Variants in ITM2B observed in about 807,000 individuals in gnomAD.
ITM2B encodes the protein integral membrane protein 2B.
Under a neutral mutation model 27.8 loss-of-function variants are expected in ITM2B, and 11 were observed. The ratio of observed to expected loss-of-function variants is 0.40; its 90% CI spans 0.25 to 0.66. The LOEUF (loss-of-function observed/expected upper bound fraction) is 0.66, where lower values mean the gene tolerates loss of function less well. Among genes scored for constraint, ITM2B ranks in the 30% least tolerant of loss-of-function variants. The pLI is 0.43. For missense variants in ITM2B, 296 were observed against 328.9 expected (o/e 0.90, Z 0.77); for synonymous variants, 114 against 114.3 (o/e 1.00, Z 0.02).
At position 48,264,735 on chromosome 13, in the gene ITM2B, G is replaced by A. The variant is rs1274729926; in HGVS notation, c.*3511G>A. 2.6e-5 allele frequency: 4 copies of A among 152,086 alleles called. No individual in the cohort carries two copies. The highest frequency in any genetic ancestry group is 4.4e-5 in the Non-Finnish European group (3 of 68,008). 9.4% of individuals were successfully genotyped at this position (152,086 alleles called of 1,614,324 possible). Reference sequence around the variant, plus strand: ...CACAAAGCTACACAGCCATCAGTTCGTTCAATATCTTGTCCAAAGTTATTG... The same window carrying A: ...CACAAAGCTACACAGCCATCAGTTCATTCAATATCTTGTCCAAAGTTATTG... On this transcript the variant is annotated 3_prime_UTR_variant, in exon 6 of 6. Transcript: ENST00000647800.
At chr13:48,260,038 C>T (rs1337109152) in intron 5 of ITM2B, among the ~76,000 whole-genome samples, 3 of 152,034 alleles carry the variant, frequency 2.0e-5, no homozygotes, top group African/African-American at 7.3e-5. Context: ...GTGATGTTCC[C>T]CTCTCTGTGT....
Position 48,233,249 on chromosome 13 carries a change from C to CCGCCCGGAGCCG in ITM2B, c.-110_-99dup, listed in dbSNP as rs1951645111. 3.3e-6 allele frequency: 2 copies of CCGCCCGGAGCCG among 614,158 alleles called. No individual in the cohort carries two copies. The highest frequency in any genetic ancestry group is 5.4e-6 in the Non-Finnish European group (2 of 370,024). 38.0% of individuals were successfully genotyped at this position (614,158 alleles called of 1,614,324 possible). ...CGCGGAGCTTCCCGAACCTCTTCAG[C>CCGCCCGGAGCCG]CGCCCGGAGCCGCTCCCGGAGCCCG... On this transcript the variant is annotated 5_prime_UTR_variant, in exon 1 of 6. Coordinates refer to ENST00000647800, the MANE Select transcript of ITM2B (RefSeq NM_021999.5).
chr13:48,252,343 C>T (rs35019605), intron 1 of ITM2B, among the ~76,000 whole-genome samples: 16 of 152,228 alleles, frequency 1.1e-4, no homozygotes, highest in South Asian at 6.2e-4. Flanking sequence ...AGACCAGTAC[C>T]GGAACTGGTC....
rs150336652 is a variant in ITM2B at position 48,233,452 on chromosome 13, C to G, written c.92C>G (p.Pro31Arg). Residue 31 changes from proline (P) to arginine (R), a missense_variant, in exon 1 of 6, where the codon CCC becomes CGC. Transcript: ENST00000647800. ...KSGEEALIIP[P>R]DAVAVDCKDP... ...GGCGAGGAGGCGCTCATCATCCCCCCCGACGCCGTCGCGGTGGACTGCAAG... is the reference window on the plus strand; with the variant it reads ...GGCGAGGAGGCGCTCATCATCCCCCGCGACGCCGTCGCGGTGGACTGCAAG... 162 of 1,535,992 alleles carry G rather than the reference C, an allele frequency of 1.1e-4. No individual in the cohort carries two copies. The highest frequency in any genetic ancestry group is 2.2e-4 in the Admixed American group (11 of 49,570).
chr13:48,243,517 C>T (rs574963437), intron 1 of ITM2B, among the ~76,000 whole-genome samples: 1 of 152,222 alleles, frequency 6.6e-6, no homozygotes, highest in South Asian at 2.1e-4. Flanking sequence ...TTTAAGTAAA[C>T]CTTTTACAAC....
intron 1 of ITM2B, among the ~76,000 whole-genome samples, chr13:48,251,783 C>T (rs549157778): frequency 6.6e-6 from 1 of 152,136 alleles, no homozygotes; most frequent in African/African-American, 2.4e-5. Flanking sequence ...CCCCACTCTC[C>T]TTCCACTCTA....
intron 1 of ITM2B, among the ~76,000 whole-genome samples, chr13:48,246,424 A>T (rs945178929): frequency 6.6e-6 from 1 of 152,246 alleles, no homozygotes; most frequent in Non-Finnish European, 1.5e-5. Context: ...ATTTAAGTGA[A>T]TAAGAAAAAA....
At chr13:48,257,914 CGA>C (rs1951799328) in intron 3 of ITM2B, among the ~76,000 whole-genome samples, 1 of 152,160 alleles carries the variant, frequency 6.6e-6, no homozygotes, top group African/African-American at 2.4e-5. Context: ...AATATACCCT[CGA>C]TGAGCATTTT....
intron 2 of ITM2B, among the ~76,000 whole-genome samples, chr13:48,254,505 A>G (rs903014338): frequency 6.6e-6 from 1 of 152,362 alleles, no homozygotes; most frequent in Admixed American, 6.5e-5. Flanking sequence ...GGTTAAGACA[A>G]AGGTCTTCCT....
chr13:48,238,744 A>T (rs183356714), intron 1 of ITM2B, among the ~76,000 whole-genome samples: 2 of 152,314 alleles, frequency 1.3e-5, no homozygotes, highest in African/African-American at 4.8e-5. Context: ...TTTTTGGCAT[A>T]GTTGAATTTC....
rs1951868980 is a variant in ITM2B at position 48,268,989 on chromosome 13, T to C, written c.*7765T>C. 1 of 152,164 alleles carries C rather than the reference T, an allele frequency of 6.6e-6. No homozygotes were observed. Among genetic ancestry groups the C allele is most frequent in the Non-Finnish European group, 1.5e-5 (1 of 68,028 alleles). 9.4% of individuals were successfully genotyped at this position (152,164 alleles called of 1,614,324 possible). A position where few individuals can be genotyped will look rare whatever the true frequency, so the allele number is the denominator to read the frequency against. ...TTCAAGTAAACTAGTATAACTTGGG[T>C]ACCTTCTCATATAAATTCCCCTTAA... On this transcript the variant is annotated 3_prime_UTR_variant, in exon 6 of 6. Coordinates refer to ENST00000647800, the MANE Select transcript of ITM2B (RefSeq NM_021999.5).
chr13:48,236,829 A>T (rs1002594033), intron 1 of ITM2B, among the ~76,000 whole-genome samples: 2 of 152,208 alleles, frequency 1.3e-5, no homozygotes, highest in Non-Finnish European at 2.9e-5. Context: ...CTTCATATGT[A>T]TCCCTGCAAG....
intron 2 of ITM2B, among the ~76,000 whole-genome samples, chr13:48,255,399 C>G (rs1435700628): frequency 6.6e-6 from 1 of 152,100 alleles, no homozygotes; most frequent in Admixed American, 6.5e-5. Context: ...TCAGGCAATC[C>G]TCCCGCCTCA....
intron 3 of ITM2B, among the ~76,000 whole-genome samples, chr13:48,256,995 G>A (rs1221388805): frequency 6.6e-6 from 1 of 152,114 alleles, no homozygotes; most frequent in Non-Finnish European, 1.5e-5. Context: ...GGGGATACAT[G>A]CCAAGACCCC....
chr13:48,257,062 C>T (rs974312473), intron 3 of ITM2B, among the ~76,000 whole-genome samples: 4 of 152,012 alleles, frequency 2.6e-5, no homozygotes, highest in South Asian at 2.1e-4. Flanking sequence ...ATGTTTTTTC[C>T]TGTTAGTGTA....
At chr13:48,235,110 A>G (rs1951660234) in intron 1 of ITM2B, among the ~76,000 whole-genome samples, 1 of 152,194 alleles carries the variant, frequency 6.6e-6, no homozygotes, top group Non-Finnish European at 1.5e-5. Context: ...GGATGATGTC[A>G]CTTCAGACAG....
At chr13:48,260,890 C>G (rs1951817993) in intron 5 of ITM2B, among the ~76,000 whole-genome samples, 1 of 152,062 alleles carries the variant, frequency 6.6e-6, no homozygotes, top group Non-Finnish European at 1.5e-5. Context: ...TCAATACCTT[C>G]AAGTTCATGA....
In ITM2B at chr13:48,258,822, A is replaced by G. The variant is rs770332292; in HGVS notation, c.590A>G (p.Tyr197Cys). The stretch of plus-strand genomic sequence containing the variant: ...GCTGGAACCTATTTGCCTCAGTCCT[A>G]TCTGATTCATGAGCACATGGTTATT... ...IKAGTYLPQS[Y>C]LIHEHMVITD... is the part of the protein sequence containing the mutation. Residue 197 changes from tyrosine to cysteine, a missense_variant, in exon 5 of 6, where the codon TAT becomes TGT. Coordinates refer to ENST00000647800, the MANE Select transcript of ITM2B (RefSeq NM_021999.5). The G allele has an allele frequency of 4.3e-6, 7 of 1,613,830 alleles. No individual in the cohort carries two copies. The highest frequency in any genetic ancestry group is 1.1e-5 in the South Asian group (1 of 91,082).
intron 1 of ITM2B, among the ~76,000 whole-genome samples, chr13:48,237,288 A>G (rs1419476872): frequency 1.3e-5 from 2 of 152,304 alleles, no homozygotes; most frequent in East Asian, 3.9e-4. Flanking sequence ...TGGCCAGTGA[A>G]ACTTTTACAT....
Sources: allele counts gnomAD v4.1 joint callset (sites outside exome capture counted in the v4.1 genomes callset), GRCh38; gene constraint gnomAD v4.1.1; transcripts MANE v1.5; gene names NCBI Gene and HGNC (gene_info 2026-07-23, HGNC 2026-07-21).